Variants in VSTM5 observed in about 807,000 individuals in gnomAD.
VSTM5 encodes V-set and transmembrane domain-containing protein 5.
In VSTM5, 21 loss-of-function variants were observed where a neutral mutation model predicts 20.3. That is an observed-to-expected ratio of 1.03 (90% CI 0.73 to 1.49). The LOEUF is 1.49. Among genes scored for constraint, VSTM5 ranks in the 40% most tolerant of loss-of-function variants. VSTM5 has a pLI of 0.00. For synonymous variants in VSTM5, 100 were observed against 102.5 expected (o/e 0.98, Z 0.14); for missense variants, 219 against 250.0 (o/e 0.88, Z 0.84).
At chr11:93,828,165 T>C (rs1159685104) in intron 1 of VSTM5, among the ~76,000 whole-genome samples, 1 of 152,242 alleles carries the variant, frequency 6.6e-6, no homozygotes, top group Non-Finnish European at 1.5e-5. Flanking sequence ...TTGAATTATT[T>C]GTGAAAAGCA....
intron 1 of VSTM5, among the ~76,000 whole-genome samples, chr11:93,822,784 C>G (rs1026681851): frequency 3.3e-5 from 5 of 152,176 alleles, no homozygotes. Context: ...CCACCATGCC[C>G]AGCTCGTATC....
chr11:93,835,338 A>G (rs1017769827), intron 1 of VSTM5, among the ~76,000 whole-genome samples: 1 of 152,158 alleles, frequency 6.6e-6, no homozygotes, highest in Non-Finnish European at 1.5e-5. Flanking sequence ...GGGGAAGATC[A>G]CTTGAGTCCA....
In VSTM5 at chr11:93,825,237, G is replaced by A. The variant is rs530009317; in HGVS notation, c.92-3914C>T. Among the ~76,000 whole-genome samples, 5 of 152,252 alleles carry A rather than the reference G, an allele frequency of 3.3e-5. No homozygotes were observed. In the South Asian group the frequency reaches 8.3e-4, roughly 25 times the overall value. On this transcript the variant is annotated intron_variant, in intron 1 of 3. Coordinates refer to ENST00000409977, the MANE Select transcript of VSTM5 (RefSeq NM_001144871.2). ...GGCTGGAGTGCAGTGGTGCAATCAT[G>A]GCTCCCTGCATCCTTGACCTCCCTG...
intron 1 of VSTM5, among the ~76,000 whole-genome samples, chr11:93,836,489 C>T (rs1011981061): frequency 1.3e-5 from 2 of 152,210 alleles, no homozygotes; most frequent in Non-Finnish European, 2.9e-5. Flanking sequence ...GCCCTTTCTT[C>T]AGCCCCTTGG....
At chr11:93,842,827 G>A (rs979151870) in intron 1 of VSTM5, among the ~76,000 whole-genome samples, 4 of 152,206 alleles carry the variant, frequency 2.6e-5, no homozygotes. Flanking sequence ...CAGGGCCGGG[G>A]ACAGCGGCTC....
intron 1 of VSTM5, among the ~76,000 whole-genome samples, chr11:93,848,950 CTGCTCGAGACTAACAACCA>C (rs1168378240): frequency 2.0e-5 from 3 of 152,174 alleles, no homozygotes; most frequent in Non-Finnish European, 4.4e-5. Context: ...ACCCATCCAC[CTGCTCGAGACTAACAACCA>C]ACTGTTTTCT....
intron 1 of VSTM5, among the ~76,000 whole-genome samples, chr11:93,845,916 G>A (rs994283435): frequency 1.8e-4 from 27 of 152,178 alleles, no homozygotes; most frequent in East Asian, 1.5e-3. Flanking sequence ...TTTCTGACTC[G>A]CCAGGCAGGA....
intron 1 of VSTM5, among the ~76,000 whole-genome samples, chr11:93,829,815 C>T (rs1256890780): frequency 6.6e-6 from 1 of 152,154 alleles, no homozygotes; most frequent in Non-Finnish European, 1.5e-5. Flanking sequence ...ACAGGCTCAT[C>T]GGGTGCTGGC....
At chr11:93,835,527 T>C (rs1342018803) in intron 1 of VSTM5, among the ~76,000 whole-genome samples, 1 of 152,230 alleles carries the variant, frequency 6.6e-6, no homozygotes, top group Non-Finnish European at 1.5e-5. Flanking sequence ...TGATCTGCCA[T>C]TAAATCACAG....
At chr11:93,833,894 C>T (rs957877133) in intron 1 of VSTM5, among the ~76,000 whole-genome samples, 2 of 152,070 alleles carry the variant, frequency 1.3e-5, no homozygotes, top group Non-Finnish European at 2.9e-5. Context: ...CACACCTTCT[C>T]TCCTTGTTTA....
chr11:93,844,131 C>A (rs1164614252), intron 1 of VSTM5, among the ~76,000 whole-genome samples: 1 of 152,208 alleles, frequency 6.6e-6, no homozygotes, highest in Non-Finnish European at 1.5e-5. Context: ...GTGACTCATA[C>A]AAGCATGGGC....
Position 93,850,579 on chromosome 11 carries a change from T to C in VSTM5, c.-77A>G. Reference sequence around the variant, plus strand: ...GCAGCTCCTATGCAGCCTTCTCTCTTCCTCCGCCTCTGGCTGCCGCAGGTT... The same window carrying C: ...GCAGCTCCTATGCAGCCTTCTCTCTCCCTCCGCCTCTGGCTGCCGCAGGTT... On this transcript the variant is annotated 5_prime_UTR_variant, in exon 1 of 4. Coordinates refer to ENST00000409977, the MANE Select transcript of VSTM5 (RefSeq NM_001144871.2). 9.4e-7 allele frequency: 1 copy of C among 1,065,960 alleles called. No individual in the cohort carries two copies. Among genetic ancestry groups the C allele is most frequent in the Non-Finnish European group, 1.3e-6 (1 of 770,770 alleles). The allele number at this position is 1,065,960 out of a possible 1,614,324, so 66.0% of individuals were successfully genotyped here.
At chr11:93,826,738 A>G (rs564039199) in intron 1 of VSTM5, among the ~76,000 whole-genome samples, 2 of 150,178 alleles carry the variant, frequency 1.3e-5, no homozygotes, top group African/African-American at 4.9e-5. Context: ...ATAGTTATAA[A>G]CTCTCCCCTT....
intron 1 of VSTM5, among the ~76,000 whole-genome samples, chr11:93,838,862 T>C (rs76334578): frequency 0.016 from 2,394 of 152,234 alleles, 56 homozygotes; most frequent in African/African-American, 0.053. Flanking sequence ...CCAAGAACAA[T>C]TCCAGGGGCA....
intron 1 of VSTM5, among the ~76,000 whole-genome samples, chr11:93,833,187 T>C (rs1944295573): frequency 6.6e-6 from 1 of 152,236 alleles, no homozygotes; most frequent in Admixed American, 6.5e-5. Context: ...GTTGAGATGA[T>C]AATGTTTCTG....
At chr11:93,830,252 A>G (rs1565300784) in intron 1 of VSTM5, among the ~76,000 whole-genome samples, 1 of 152,220 alleles carries the variant, frequency 6.6e-6, no homozygotes, top group Non-Finnish European at 1.5e-5. Context: ...GGCAGAATTC[A>G]TAATCTTACC....
At chr11:93,839,587 G>T (rs1361042708) in intron 1 of VSTM5, among the ~76,000 whole-genome samples, 1 of 152,180 alleles carries the variant, frequency 6.6e-6, no homozygotes, top group Non-Finnish European at 1.5e-5. Context: ...GCATTAAAAA[G>T]AAATATTATC....
intron 1 of VSTM5, among the ~76,000 whole-genome samples, chr11:93,828,613 T>G (rs565229335): frequency 4.6e-5 from 7 of 152,236 alleles, no homozygotes; most frequent in Admixed American, 3.3e-4. Flanking sequence ...CAACATAGTC[T>G]CTGCATTTAA....
At chr11:93,850,369 C>T (rs1944449199) in intron 1 of VSTM5, 43 bp downstream of exon 1, 3 of 1,528,974 alleles carry the variant, frequency 2.0e-6, no homozygotes, top group Non-Finnish European at 2.7e-6. Context: ...CCCCCCTACC[C>T]ATTCCCGCTC....
Sources: gnomAD v4.1 joint callset for allele counts (sites outside exome capture counted in the v4.1 genomes callset) on GRCh38, gnomAD v4.1.1 for gene constraint, MANE v1.5 for transcripts, NCBI Gene and HGNC (gene_info 2026-07-23, HGNC 2026-07-21) for gene names.